MPP7: variants seen among roughly 807,000 people sequenced by gnomAD.
MPP7 encodes MAGUK p55 subfamily member 7.
A neutral mutation model predicts 76.5 loss-of-function variants in MPP7; 60 were observed. The ratio of observed to expected loss-of-function variants is 0.78; its 90% CI spans 0.64 to 0.97. The LOEUF is 0.97. MPP7 is among the 50% of genes least tolerant of loss of function. The probability of loss-of-function intolerance (pLI) is 0.00; values close to 1 mark genes in which losing one functional copy is unlikely to be tolerated. For missense variants in MPP7, 641 were observed against 694.0 expected, an observed-to-expected ratio of 0.92 and a Z score of 0.86; for synonymous variants, 237 against 244.5, an observed-to-expected ratio of 0.97 and a Z score of 0.29.
Position 28,309,223 on chromosome 10 carries a change from G to A in MPP7, c.-132+20706C>T, listed in dbSNP as rs190958835. 1.2e-4 allele frequency among the ~76,000 whole-genome samples: 19 copies of A among 152,138 alleles called. No homozygotes were observed. In the East Asian group the frequency reaches 3.3e-3, roughly 26 times the overall value. On this transcript the variant is annotated intron_variant, in intron 2 of 11. Coordinates refer to the MPP7 transcript ENST00000441595. ...GAGGTCAGGAGTTCAAGACCAGCCCGGCCAACATCGTGAAACCCCATCTCT... is the reference window on the plus strand; with the variant it reads ...GAGGTCAGGAGTTCAAGACCAGCCCAGCCAACATCGTGAAACCCCATCTCT...
At chr10:28,062,571 CA>C (rs1851834644) in intron 13 of MPP7, among the ~76,000 whole-genome samples, 2 of 125,174 alleles carry the variant, frequency 1.6e-5, no homozygotes, top group African/African-American at 6.6e-5. Context: ...CACACACACA[CA>C]CACACACACC....
At chr10:28,202,432 T>C (rs1227419827) in intron 2 of MPP7, among the ~76,000 whole-genome samples, 161 bp from the exon 3 acceptor site, 1 of 152,250 alleles carries the variant, frequency 6.6e-6, no homozygotes, top group African/African-American at 2.4e-5. Flanking sequence ...GGGAATTTTC[T>C]GGCTTTTAAA....
At chr10:28,272,981 G>A (rs79025541) in intron 1 of MPP7, among the ~76,000 whole-genome samples, 7,184 of 152,106 alleles carry the variant, frequency 0.047, 359 homozygotes, top group African/African-American at 0.12. Flanking sequence ...GTAGTGGCGC[G>A]ATCTCAGCTC....
At chr10:28,093,822 T>C (rs764110194) in intron 11 of MPP7, among the ~76,000 whole-genome samples, 8 of 152,174 alleles carry the variant, frequency 5.3e-5, no homozygotes, top group African/African-American at 1.9e-4. Context: ...TAAGGTGATG[T>C]TGCATGAGTG....
At chr10:28,061,495 AAAC>A (rs760494071) in intron 13 of MPP7, among the ~76,000 whole-genome samples, 6 of 151,972 alleles carry the variant, frequency 3.9e-5, no homozygotes, top group South Asian at 2.1e-4. Context: ...TATATAATCT[AAAC>A]AACAACAACA....
chr10:28,185,072 T>C (rs1008688869), intron 3 of MPP7, among the ~76,000 whole-genome samples: 3 of 148,106 alleles, frequency 2.0e-5, no homozygotes, highest in African/African-American at 4.9e-5. Flanking sequence ...TTTATGCCTG[T>C]AATCCCAGCA....
intron 16 of MPP7, among the ~76,000 whole-genome samples, chr10:28,054,989 T>C (rs1306028226): frequency 1.3e-5 from 2 of 152,192 alleles, no homozygotes; most frequent in Non-Finnish European, 2.9e-5. Flanking sequence ...GATTACCACG[T>C]TCCTTCGATG....
chr10:28,260,769 CAAAAAAAAAAA>C (rs772017051), intron 1 of MPP7, among the ~76,000 whole-genome samples: 2 of 68,364 alleles, frequency 2.9e-5, no homozygotes, highest in African/African-American at 1.1e-4. Context: ...GACTCCATCT[CAAAAAAAAAAA>C]AAAAAAAAAA....
intron 1 of MPP7, among the ~76,000 whole-genome samples, chr10:28,255,802 A>G (rs887071822): frequency 2.0e-5 from 3 of 152,194 alleles, no homozygotes; most frequent in Non-Finnish European, 4.4e-5. Flanking sequence ...TGAAATACCT[A>G]TGAGGATCCA....
rs540788279 is a variant in MPP7 at position 28,158,895 on chromosome 10, A to G, written c.157-8836T>C. On this transcript the variant is annotated intron_variant, in intron 3 of 16. Coordinates refer to ENST00000683449, the MANE Select transcript of MPP7 (RefSeq NM_001318170.2). ...GGCCAACTTCTGTCTCCCTGTCCCA[A>G]CACAACAGAAGAACTGGATCTCCTT... Among the ~76,000 whole-genome samples, 3 of 152,282 alleles carry G rather than the reference A, an allele frequency of 2.0e-5. No homozygotes were observed. The South Asian group carries it at 6.2e-4, about 32-fold the overall frequency.
At chr10:28,267,440 T>C (rs1433162061) in intron 1 of MPP7, among the ~76,000 whole-genome samples, 1 of 152,026 alleles carries the variant, frequency 6.6e-6, no homozygotes, top group Non-Finnish European at 1.5e-5. Context: ...GGTAGTCAAA[T>C]AAATAAACAA....
intron 2 of MPP7, among the ~76,000 whole-genome samples, chr10:28,227,010 C>T (rs982061422): frequency 4.5e-4 from 69 of 152,352 alleles, no homozygotes; most frequent in African/African-American, 1.6e-3. Flanking sequence ...TTGAGGCATA[C>T]TCTCTGCACG....
chr10:28,134,443 C>G (rs933331986), intron 5 of MPP7, among the ~76,000 whole-genome samples: 2 of 152,128 alleles, frequency 1.3e-5, no homozygotes, highest in Admixed American at 6.6e-5. Flanking sequence ...AATACATTCT[C>G]CCTTTTGGTA....
intron 2 of MPP7, among the ~76,000 whole-genome samples, chr10:28,228,932 G>A (rs1037428633): frequency 6.6e-6 from 1 of 152,154 alleles, no homozygotes; most frequent in Admixed American, 6.5e-5. Context: ...GCTGATGGCT[G>A]ATGGAAAGAC....
chr10:28,084,671 T>C (rs904441505), intron 12 of MPP7, among the ~76,000 whole-genome samples: 4 of 152,200 alleles, frequency 2.6e-5, no homozygotes, highest in African/African-American at 9.7e-5. Context: ...TGAGAGACAA[T>C]CTCTGAACTC....
At chr10:28,115,859 T>C (rs1834650110) in intron 11 of MPP7, among the ~76,000 whole-genome samples, 1 of 152,188 alleles carries the variant, frequency 6.6e-6, no homozygotes, top group African/African-American at 2.4e-5. Flanking sequence ...CATGACTAGT[T>C]AAAACAAATT....
At chr10:28,127,459 G>C (rs66764206) in intron 6 of MPP7, among the ~76,000 whole-genome samples, 67 of 152,232 alleles carry the variant, frequency 4.4e-4, no homozygotes, top group Non-Finnish European at 7.3e-5. Context: ...TGAAAGGAAG[G>C]TTTAATGGAC....
intron 5 of MPP7, among the ~76,000 whole-genome samples, chr10:28,138,347 G>T (rs796329246): frequency 7.9e-5 from 12 of 152,196 alleles, no homozygotes; most frequent in African/African-American, 2.9e-4. Flanking sequence ...CTCCATCAAT[G>T]CCCCTAAATG....
At chr10:28,236,850 G>A (rs1055854737) in intron 2 of MPP7, 8 of 104,598 alleles carry the variant, frequency 7.6e-5, no homozygotes, top group African/African-American at 1.3e-4. Flanking sequence ...AAAATGACCC[G>A]ACTGGCCAGT....
Sources: allele counts gnomAD v4.1 joint callset (sites outside exome capture counted in the v4.1 genomes callset), GRCh38; gene constraint gnomAD v4.1.1; transcripts MANE v1.5; gene names NCBI Gene and HGNC (gene_info 2026-07-23, HGNC 2026-07-21).